Variants in LINGO2 observed in about 807,000 individuals in gnomAD.
LINGO2 encodes the protein leucine rich repeat and Ig domain containing 2, also known as leucine-rich repeat and immunoglobulin-like domain-containing nogo receptor-interacting protein 2.
Under a neutral mutation model 30.6 loss-of-function variants are expected in LINGO2, and 14 were observed. The ratio of observed to expected loss-of-function variants is 0.46; its 90% CI spans 0.30 to 0.72. The LOEUF (loss-of-function observed/expected upper bound fraction) is 0.72. Among genes scored for constraint, LINGO2 ranks in the 30% least tolerant of loss-of-function variants. LINGO2 has a pLI of 0.07. For synonymous variants in LINGO2, 317 were observed against 288.5 expected (o/e 1.10, Z -1.00); for missense variants, 729 against 751.7 (o/e 0.97, Z 0.35).
At chr9:29,105,842 C>A in the LINGO2 span, among the ~76,000 whole-genome samples, 142 of 152,282 alleles carry the variant, frequency 9.3e-4, no homozygotes, top group African/African-American at 3.2e-3. Context: ...CTCCCTGTCA[C>A]CTCGGGGAGA....
At chr9:28,524,629 T>C (rs770472858) in intron 1 of LINGO2, among the ~76,000 whole-genome samples, 37 of 152,292 alleles carry the variant, frequency 2.4e-4, no homozygotes, top group Admixed American at 1.4e-3. Context: ...GGTGTGCACC[T>C]GTAATCCCAG....
At chr9:28,713,214 A>G in the LINGO2 span, among the ~76,000 whole-genome samples, 1 of 152,060 alleles carries the variant, frequency 6.6e-6, no homozygotes, top group Non-Finnish European at 1.5e-5. Flanking sequence ...GCTTCAATAT[A>G]TTTTATTTAT....
chr9:28,884,064 G>T, the LINGO2 span, among the ~76,000 whole-genome samples: 1 of 152,048 alleles, frequency 6.6e-6, no homozygotes. Context: ...CAAGTGTCAT[G>T]CTAAGTTTTC....
At chr9:28,652,212 G>C (rs1454018559) in intron 1 of LINGO2, among the ~76,000 whole-genome samples, 1 of 151,858 alleles carries the variant, frequency 6.6e-6, no homozygotes, top group African/African-American at 2.4e-5. Flanking sequence ...TTAACAATAG[G>C]CTAATTTATT....
At chr9:28,462,114 GT>G (rs1403816832) in intron 2 of LINGO2, among the ~76,000 whole-genome samples, 2 of 152,008 alleles carry the variant, frequency 1.3e-5, no homozygotes, top group East Asian at 3.9e-4. Context: ...TAAGTCCTAA[GT>G]CATGCTACCT....
intron 1 of LINGO2, among the ~76,000 whole-genome samples, chr9:28,662,569 C>T (rs1167579076): frequency 1.3e-5 from 2 of 152,002 alleles, no homozygotes; most frequent in South Asian, 4.1e-4. Flanking sequence ...TATTGTTGGC[C>T]TTTGTTGCTA....
chr9:28,569,139 G>C (rs1369713935), intron 1 of LINGO2, among the ~76,000 whole-genome samples: 1 of 151,928 alleles, frequency 6.6e-6, no homozygotes, highest in Non-Finnish European at 1.5e-5. Flanking sequence ...AAAATAACAA[G>C]AGTGTTTATG....
chr9:28,951,129 C>T, the LINGO2 span, among the ~76,000 whole-genome samples: 1 of 152,098 alleles, frequency 6.6e-6, no homozygotes, highest in African/African-American at 2.4e-5. Flanking sequence ...CTGACAAAAA[C>T]AAGCAATGGA....
At chr9:28,332,353 A>G (rs1587481379) in intron 3 of LINGO2, among the ~76,000 whole-genome samples, 2 of 152,294 alleles carry the variant, frequency 1.3e-5, no homozygotes, top group South Asian at 4.1e-4. Flanking sequence ...AAGGCGCTAC[A>G]CTGAGCTTCC....
chr9:28,255,440 A>T lies in LINGO2; in HGVS notation c.-87+39768T>A, dbSNP rs1408705326. ...TTGAAACCCTGCTCTACTATTTATTAGCTGAATATCCTGGGGCAAGTAACT... is the reference window on the plus strand; with the variant it reads ...TTGAAACCCTGCTCTACTATTTATTTGCTGAATATCCTGGGGCAAGTAACT... On this transcript the variant is annotated intron_variant, in intron 4 of 5. Transcript: ENST00000379992. Among the ~76,000 whole-genome samples the T allele has an allele frequency of 2.0e-5, 3 of 152,106 alleles. No individual in the cohort carries two copies. In the East Asian group the frequency reaches 5.8e-4, roughly 29 times the overall value.
At chr9:28,765,073 A>C in the LINGO2 span, among the ~76,000 whole-genome samples, 1 of 152,006 alleles carries the variant, frequency 6.6e-6, no homozygotes, top group African/African-American at 2.4e-5. Flanking sequence ...ATACTACCTA[A>C]AGTGATCTAC....
intron 4 of LINGO2, among the ~76,000 whole-genome samples, chr9:28,279,967 C>T (rs954266216): frequency 6.6e-4 from 100 of 152,234 alleles, no homozygotes; most frequent in African/African-American, 2.4e-3. Context: ...TTTGTCTCTG[C>T]ACCTAGAAAG....
chr9:28,373,305 A>G (rs968680889), intron 2 of LINGO2, among the ~76,000 whole-genome samples: 2 of 151,952 alleles, frequency 1.3e-5, no homozygotes, highest in Non-Finnish European at 2.9e-5. Flanking sequence ...CTATATTTCT[A>G]CTCTTGAATG....
At chr9:28,404,168 C>G (rs1822394167) in intron 2 of LINGO2, among the ~76,000 whole-genome samples, 1 of 152,056 alleles carries the variant, frequency 6.6e-6, no homozygotes, top group Non-Finnish European at 1.5e-5. Context: ...CCCTATATCT[C>G]AACTTACTTT....
chr9:28,618,465 A>G (rs1186708641), intron 1 of LINGO2, among the ~76,000 whole-genome samples: 2 of 152,166 alleles, frequency 1.3e-5, no homozygotes, highest in Non-Finnish European at 2.9e-5. Context: ...CATACAATTC[A>G]TTCAACAAAC....
At chr9:29,187,692 T>C in the LINGO2 span, among the ~76,000 whole-genome samples, 2 of 151,998 alleles carry the variant, frequency 1.3e-5, no homozygotes, top group East Asian at 3.9e-4. Context: ...GGTGTACATA[T>C]ATAAAAATTA....
At chr9:28,159,817 A>G (rs1485986291) in intron 4 of LINGO2, among the ~76,000 whole-genome samples, 2 of 152,226 alleles carry the variant, frequency 1.3e-5, no homozygotes, top group African/African-American at 4.8e-5. Flanking sequence ...TACAGTTCAC[A>G]TATTTTTATG....
chr9:28,419,521 T>C (rs1215474004), intron 2 of LINGO2, among the ~76,000 whole-genome samples: 2 of 151,936 alleles, frequency 1.3e-5, no homozygotes, highest in Admixed American at 6.6e-5. Context: ...ATCTTGTCCT[T>C]AAACATAGAA....
chr9:28,531,048 A>AATATAT (rs543973777), intron 1 of LINGO2, among the ~76,000 whole-genome samples: 334 of 146,438 alleles, frequency 2.3e-3, no homozygotes, highest in African/African-American at 7.7e-3. Context: ...TATAAAAATA[A>AATATAT]ATATATATAT....
Sources: gnomAD v4.1 joint callset for allele counts (sites outside exome capture counted in the v4.1 genomes callset) on GRCh38, gnomAD v4.1.1 for gene constraint, MANE v1.5 for transcripts, NCBI Gene and HGNC (gene_info 2026-07-23, HGNC 2026-07-21) for gene names.